Variants in PALD1 observed in about 807,000 individuals in gnomAD.
PALD1 encodes the protein phosphatase domain containing paladin 1, also known as paladin.
In PALD1, 57 loss-of-function variants were observed where a neutral mutation model predicts 96.0. The observed-to-expected ratio is 0.59, with a 90% confidence interval of 0.48 to 0.74. The LOEUF is 0.74. PALD1 is among the 30% of genes least tolerant of loss of function. The pLI is 0.00. For missense variants in PALD1, 1,063 were observed against 1,143.7 expected (o/e 0.93, Z 1.02); for synonymous variants, 464 against 473.6 (o/e 0.98, Z 0.26).
In PALD1 at chr10:70,547,361, T is replaced by C; in HGVS notation, c.2177T>C (p.Val726Ala). Residue 726 changes from valine (V) to alanine (A), a missense_variant, in exon 18 of 20, where the codon GTG becomes GCG. Transcript: ENST00000263563. ...GATGGGCACCGTGTGAAGAAGGAGG[T>C]GGACGCAGCGCTGGACACTGTCAGC... The part of the protein sequence containing the change: ...LPDGHRVKKE[V>A]DAALDTVSET... 4 of 1,612,828 alleles carry C rather than the reference T, an allele frequency of 2.5e-6. No homozygotes were observed. Among genetic ancestry groups the C allele is most frequent in the Non-Finnish European group, 2.5e-6 (3 of 1,179,112 alleles).
chr10:70,458,499 G>A, the PALD1 span, among the ~76,000 whole-genome samples: 1 of 152,198 alleles, frequency 6.6e-6, no homozygotes, highest in South Asian at 2.1e-4. Flanking sequence ...CGCGCGGAGG[G>A]CGACCCGGGT....
chr10:70,503,743 A>G (rs191104831), intron 1 of PALD1, among the ~76,000 whole-genome samples: 244 of 152,282 alleles, frequency 1.6e-3, no homozygotes, highest in Non-Finnish European at 2.5e-3. Flanking sequence ...ATTGGTCAAA[A>G]GCTGATTATT....
At chr10:70,526,815 C>T (rs888548179) in intron 2 of PALD1, among the ~76,000 whole-genome samples, 1 of 152,190 alleles carries the variant, frequency 6.6e-6, no homozygotes, top group Non-Finnish European at 1.5e-5. Context: ...CTTTCCACAC[C>T]TCTGCCCACT....
At chr10:70,483,747 TCTC>T (rs1275303138) in intron 1 of PALD1, among the ~76,000 whole-genome samples, 4 of 152,184 alleles carry the variant, frequency 2.6e-5, no homozygotes, top group African/African-American at 9.7e-5. Context: ...AGAAGGGACT[TCTC>T]CTCCCCTTTT....
rs769764140 is a variant in PALD1 at position 70,539,721 on chromosome 10, C to T, written c.1867C>T (p.His623Tyr). 5 of 1,612,988 alleles carry T rather than the reference C, an allele frequency of 3.1e-6. No homozygotes were observed. In the South Asian group the frequency reaches 5.5e-5, roughly 18 times the overall value. The stretch of plus-strand genomic sequence containing the variant: ...CAGGGCCTGTCCTGGCCTCACCTAC[C>T]ACCGCATCCCCATGCCGGACTTCTG... ...HRRACPGLTY[H>Y]RIPMPDFCAP... Residue 623 changes from histidine to tyrosine, a missense_variant, in exon 15 of 20, where the codon CAC (histidine) becomes TAC (tyrosine). Coordinates refer to ENST00000263563, the MANE Select transcript of PALD1 (RefSeq NM_014431.3). This position sits in a 1 kb window ranked among gnomAD's most constrained non-coding sequence, Gnocchi z 4.5.
chr10:70,459,581 G>C, the PALD1 span, among the ~76,000 whole-genome samples: 1 of 152,150 alleles, frequency 6.6e-6, no homozygotes, highest in African/African-American at 2.4e-5. Context: ...TTGGTCAAGG[G>C]GCCCACATGA....
chr10:70,529,341 G>A lies in PALD1; in HGVS notation c.288+10G>A. The A allele has an allele frequency of 6.7e-7, 1 of 1,484,716 alleles. No homozygotes were observed. Among genetic ancestry groups the A allele is most frequent in the Non-Finnish European group, 9.4e-7 (1 of 1,068,984 alleles). The allele number at this position is 1,484,716 out of a possible 1,614,324, so 92.0% of individuals were successfully genotyped here. ...GCACTACCTGGTGCAAGTGAGCTCA[G>A]GCCTTACCCTGCCAGCCCGCCTGCT... On this transcript the variant is annotated intron_variant, in intron 3 of 19. Coordinates refer to ENST00000263563, the MANE Select transcript of PALD1 (RefSeq NM_014431.3).
intron 1 of PALD1, among the ~76,000 whole-genome samples, chr10:70,488,948 G>A (rs904801972): frequency 1.2e-4 from 19 of 152,128 alleles, no homozygotes; most frequent in African/African-American, 4.6e-4. Flanking sequence ...CTACTGCTGG[G>A]GGTTCTGGGC....
intron 17 of PALD1, among the ~76,000 whole-genome samples, chr10:70,544,080 A>T (rs1847311877): frequency 6.6e-6 from 1 of 152,152 alleles, no homozygotes; most frequent in Non-Finnish European, 1.5e-5. Flanking sequence ...CTGAGCCCAC[A>T]GTCTGTTGGG....
At chr10:70,506,230 G>A (rs947916066) in intron 1 of PALD1, among the ~76,000 whole-genome samples, 1 of 152,144 alleles carries the variant, frequency 6.6e-6, no homozygotes, top group African/African-American at 2.4e-5. Context: ...TTTTGTCACC[G>A]CGAGTGCATA....
At chr10:70,548,299 C>CA (rs200247982) in intron 18 of PALD1, among the ~76,000 whole-genome samples, 52 of 142,422 alleles carry the variant, frequency 3.7e-4, no homozygotes, top group Middle Eastern at 3.6e-3. Context: ...TGAGACTCCT[C>CA]AAAAAAAAAA....
chr10:70,541,314 T>C, intron 16 of PALD1, 72 bp downstream of exon 16: 1 of 1,545,902 alleles, frequency 6.5e-7, no homozygotes, highest in Non-Finnish European at 8.8e-7. Flanking sequence ...CCAGGCACAC[T>C]GGCTCCACAG....
At chr10:70,559,521 G>A (rs1589220732) in intron 18 of PALD1, among the ~76,000 whole-genome samples, 1 of 152,192 alleles carries the variant, frequency 6.6e-6, no homozygotes, top group African/African-American at 2.4e-5. Flanking sequence ...GGGGGCGGGA[G>A]AGGTGGCAGG....
At chr10:70,523,377 C>T (rs1052110951) in intron 1 of PALD1, among the ~76,000 whole-genome samples, 3 of 152,164 alleles carry the variant, frequency 2.0e-5, no homozygotes, top group Non-Finnish European at 2.9e-5. Context: ...TCCTCTCCCT[C>T]GGGAGAGCTG....
In PALD1 at chr10:70,529,170, C is replaced by T. The variant is rs150240964; in HGVS notation, c.186-59C>T. On this transcript the variant is annotated intron_variant, in intron 2 of 19. Transcript: ENST00000263563. ...GTGGGCTCTGTGAGGGTGGAGCTGGCCTTGACCAAGGAGGTTGCTTGACTC... is the reference window on the plus strand; with the variant it reads ...GTGGGCTCTGTGAGGGTGGAGCTGGTCTTGACCAAGGAGGTTGCTTGACTC... 3.4e-4 allele frequency: 235 copies of T among 682,152 alleles called. 3 individuals are homozygous for T. In the African/African-American group the frequency reaches 3.8e-3, roughly 11 times the overall value. The allele number at this position is 682,152 out of a possible 1,614,324, so 42.3% of individuals were successfully genotyped here. A position where few individuals can be genotyped will look rare whatever the true frequency, so the allele number is the denominator to read the frequency against.
chr10:70,550,965 C>T (rs539117327), intron 18 of PALD1, among the ~76,000 whole-genome samples: 2 of 152,310 alleles, frequency 1.3e-5, no homozygotes, highest in South Asian at 4.1e-4. Context: ...CGTATGTTTT[C>T]ATTTCTCTTG....
chr10:70,517,175 CAG>C (rs990815275), intron 1 of PALD1, among the ~76,000 whole-genome samples: 1 of 152,056 alleles, frequency 6.6e-6, no homozygotes, highest in Non-Finnish European at 1.5e-5. Flanking sequence ...AGCAGAGGTC[CAG>C]AGAGGTTATG....
chr10:70,548,700 C>T (rs1364849956), intron 18 of PALD1, among the ~76,000 whole-genome samples: 1 of 152,218 alleles, frequency 6.6e-6, no homozygotes, highest in Non-Finnish European at 1.5e-5. Context: ...GTGGCCCCTG[C>T]AGAGGGGGCC....
At chr10:70,467,969 C>T in the PALD1 span, among the ~76,000 whole-genome samples, 1 of 152,112 alleles carries the variant, frequency 6.6e-6, no homozygotes, top group Admixed American at 6.5e-5. Flanking sequence ...ACCCACCCAC[C>T]CCCCATTGAC....
Sources: allele counts gnomAD v4.1 joint callset (sites outside exome capture counted in the v4.1 genomes callset), GRCh38; gene constraint gnomAD v4.1.1; non-coding constraint Gnocchi (gnomAD v3.1); transcripts MANE v1.5; gene names NCBI Gene and HGNC (gene_info 2026-07-23, HGNC 2026-07-21).